The following INPP5B variants were observed in gnomAD, a reference collection of about 807,000 sequenced individuals.
The protein encoded by INPP5B is type II inositol 1,4,5-trisphosphate 5-phosphatase.
In INPP5B, 90 loss-of-function variants were observed where a neutral mutation model predicts 118.5. The observed-to-expected ratio is 0.76, with a 90% CI of 0.64 to 0.90. The LOEUF (loss-of-function observed/expected upper bound fraction) is 0.90. INPP5B is among the 40% of genes least tolerant of loss of function. The pLI is 0.00. For missense variants in INPP5B, 984 were observed against 1,125.6 expected (o/e 0.87, Z 1.80); for synonymous variants, 385 against 418.9 (o/e 0.92, Z 0.99).
chr1:37,880,346 A>C, intron 14 of INPP5B, 152 bp from the exon 15 acceptor site: 1 of 529,474 alleles, frequency 1.9e-6, no homozygotes, highest in South Asian at 2.8e-5. Flanking sequence ...AAGTTAGCTA[A>C]CTCCTAGGAA....
chr1:37,864,175 T>A lies in INPP5B; in HGVS notation c.2626+137A>T, dbSNP rs938292918. 8.3e-6 allele frequency: 5 copies of A among 599,002 alleles called. No individual in the cohort carries two copies. In the Admixed American group the frequency reaches 8.8e-5, roughly 11 times the overall value. The allele number at this position is 599,002 out of a possible 1,614,324, so 37.1% of individuals were successfully genotyped here. ...GGAGGAGTGTCCAAACGCAAAACTT[T>A]CTGCTTTAAAAAATCTTTGCCCAGA... On this transcript the variant is annotated intron_variant, in intron 23 of 23. Transcript: ENST00000373024.
intron 7 of INPP5B, among the ~76,000 whole-genome samples, chr1:37,912,212 C>G (rs1288932188): frequency 6.6e-6 from 1 of 152,162 alleles, no homozygotes; most frequent in Non-Finnish European, 1.5e-5. Flanking sequence ...TCTACAACCT[C>G]CATGGACTGG....
In INPP5B at chr1:37,878,321, T is replaced by A. The variant is rs1642968958; in HGVS notation, c.1544A>T (p.Glu515Val). 1.2e-6 allele frequency: 2 copies of A among 1,613,810 alleles called. No individual in the cohort carries two copies. The highest frequency in any genetic ancestry group is 2.7e-5 in the African/African-American group (2 of 74,924). The change falls in exon 16 of 24, where the codon GAG (glutamate) becomes GTG (valine). Residue 515 changes from glutamate to valine, a missense_variant and splice_region_variant. Physicochemically the swap from Glu to Val is moderately radical, Grantham distance 121 (BLOSUM62 -2). Around this residue, in one of 2 missense-constraint regions of INPP5B, gnomAD observed 634 missense variants for 791.0 expected, o/e 0.80. Coordinates refer to ENST00000373024, the MANE Select transcript of INPP5B (RefSeq NM_005540.3). ...DTGSDDWDTS[E>V]KCRAPAWCDR... Reference sequence around the variant, plus strand: ...ACACCAGGCAGGAGCACGGCACTTCTCACTGAAATGCAAAGTCCACACTGG... The same window carrying A: ...ACACCAGGCAGGAGCACGGCACTTCACACTGAAATGCAAAGTCCACACTGG...
At chr1:37,884,717 C>T (rs1240201957) in intron 13 of INPP5B, among the ~76,000 whole-genome samples, 3 of 151,908 alleles carry the variant, frequency 2.0e-5, no homozygotes, top group Non-Finnish European at 4.4e-5. Flanking sequence ...TTTGGGAGGC[C>T]GAGGTGGGCG....
chr1:37,930,552 T>C (rs1645415300), intron 7 of INPP5B: 2 of 152,244 alleles, frequency 1.3e-5, no homozygotes, highest in African/African-American at 4.8e-5. Flanking sequence ...TCTTAAACTC[T>C]CACCCGTCCC....
At chr1:37,915,741 T>C (rs1452957949) in intron 7 of INPP5B, among the ~76,000 whole-genome samples, 1 of 152,258 alleles carries the variant, frequency 6.6e-6, no homozygotes, top group Admixed American at 6.5e-5. Context: ...AGATTTCTTT[T>C]TCTTTTTGCT....
At chr1:37,865,626 G>C (rs900984720) in intron 22 of INPP5B, 135 bp downstream of exon 22, 1 of 954,726 alleles carries the variant, frequency 1.0e-6, no homozygotes, top group Admixed American at 2.5e-5. Flanking sequence ...AGACATAAGA[G>C]AAAGAGCAGG....
intron 9 of INPP5B, among the ~76,000 whole-genome samples, chr1:37,888,812 C>T (rs1643682712): frequency 6.6e-6 from 1 of 152,180 alleles, no homozygotes; most frequent in South Asian, 2.1e-4. Flanking sequence ...CTAGCAGAAT[C>T]CCACAACCTT....
At chr1:37,917,293 G>GA (rs1408085979) in intron 7 of INPP5B, among the ~76,000 whole-genome samples, 16 of 53,710 alleles carry the variant, frequency 3.0e-4, no homozygotes, top group African/African-American at 6.8e-4. Flanking sequence ...CGTCTCGGGG[G>GA]AAAAAAAAAA....
intron 6 of INPP5B, among the ~76,000 whole-genome samples, chr1:37,934,486 C>T (rs966353792): frequency 2.6e-5 from 4 of 152,174 alleles, no homozygotes; most frequent in Admixed American, 6.6e-5. Flanking sequence ...AAGACACTTC[C>T]ACTCTCTGGC....
intron 7 of INPP5B, among the ~76,000 whole-genome samples, chr1:37,913,476 C>A (rs1460602025): frequency 6.6e-6 from 1 of 152,048 alleles, no homozygotes; most frequent in Non-Finnish European, 1.5e-5. Flanking sequence ...CTGTTTTTCT[C>A]CTTCTCTTAT....
intron 6 of INPP5B, among the ~76,000 whole-genome samples, chr1:37,934,904 T>TA (rs71057105): frequency 6.6e-6 from 1 of 151,666 alleles, no homozygotes; most frequent in East Asian, 1.9e-4. Flanking sequence ...TTTTTTTTTT[T>TA]AAGATGGAGT....
chr1:37,873,472 G>T, intron 18 of INPP5B: 1 of 382,550 alleles, frequency 2.6e-6, no homozygotes. Flanking sequence ...GGATCAAAGA[G>T]CCTTCCCTGA....
At chr1:37,869,055 C>T (rs765787082) in intron 19 of INPP5B, among the ~76,000 whole-genome samples, 43 of 152,082 alleles carry the variant, frequency 2.8e-4, no homozygotes, top group Admixed American at 1.0e-3. Flanking sequence ...TGCAATGGCA[C>T]GATCTCGGCT....
intron 7 of INPP5B, among the ~76,000 whole-genome samples, chr1:37,895,787 T>C (rs946119972): frequency 1.3e-5 from 2 of 152,234 alleles, no homozygotes; most frequent in Non-Finnish European, 2.9e-5. Flanking sequence ...GGTGCCGGGA[T>C]TGCAGACGGA....
At chr1:37,929,499 GA>G (rs1410809798) in intron 7 of INPP5B, 1 of 151,894 alleles carries the variant, frequency 6.6e-6, no homozygotes, top group Non-Finnish European at 1.5e-5. Context: ...ATGCATATAG[GA>G]AAAAACAATC....
At chr1:37,863,221 A>T (rs1320306263) in intron 23 of INPP5B, among the ~76,000 whole-genome samples, 44 of 151,942 alleles carry the variant, frequency 2.9e-4, no homozygotes, top group African/African-American at 9.7e-4. Flanking sequence ...TTTAAAAAAA[A>T]AAAAAAAAAA....
chr1:37,864,025 G>C (rs1641875766), intron 23 of INPP5B, among the ~76,000 whole-genome samples: 1 of 151,886 alleles, frequency 6.6e-6, no homozygotes, highest in South Asian at 2.1e-4. Flanking sequence ...ATGTTGGCCA[G>C]GCTGGTCTTG....
intron 10 of INPP5B, 56 bp downstream of exon 10, chr1:37,888,187 C>T (rs1357335111): frequency 4.4e-6 from 5 of 1,138,848 alleles, no homozygotes; most frequent in Non-Finnish European, 4.8e-6. Flanking sequence ...ACCCATCCTT[C>T]AACCACAGCT....
Sources: gnomAD v4.1 joint callset for allele counts (sites outside exome capture counted in the v4.1 genomes callset) on GRCh38, gnomAD v4.1.1 for gene constraint, gnomAD v4.1.1 regional missense constraint, MANE v1.5 for transcripts, NCBI Gene and HGNC (gene_info 2026-07-23, HGNC 2026-07-21) for gene names.